The following PCDH15 variants were observed in gnomAD, a reference collection of about 807,000 sequenced individuals.
The protein encoded by PCDH15 is protocadherin-15.
PCDH15 carries 129 observed loss-of-function variants against 178.5 expected under a neutral mutation model. The ratio of observed to expected loss-of-function variants is 0.72; its 90% CI spans 0.63 to 0.84. The LOEUF is 0.84. Ranked by LOEUF, PCDH15 falls within the 40% of genes least tolerant of loss-of-function variation. PCDH15 has a pLI of 0.00. For missense variants in PCDH15, 2,230 were observed against 2,099.9 expected (o/e 1.06, Z -1.21); for synonymous variants, 800 against 732.0 (o/e 1.09, Z -1.50).
At chr10:54,981,800 A>G (rs1407435799) in intron 2 of PCDH15, among the ~76,000 whole-genome samples, 1 of 151,846 alleles carries the variant, frequency 6.6e-6, no homozygotes, top group Non-Finnish European at 1.5e-5. Flanking sequence ...TTTTGAGACA[A>G]GGTCTCATTC....
intron 2 of PCDH15, among the ~76,000 whole-genome samples, chr10:55,421,507 T>C (rs926973315): frequency 1.3e-5 from 2 of 149,984 alleles, no homozygotes; most frequent in African/African-American, 4.9e-5. Context: ...TCATTTCATA[T>C]AGCATACTAG....
chr10:55,251,954 T>C (rs1252469282), intron 1 of PCDH15, among the ~76,000 whole-genome samples: 1 of 151,754 alleles, frequency 6.6e-6, no homozygotes, highest in African/African-American at 2.4e-5. Flanking sequence ...ACAACAAAAA[T>C]TGGCTACTGG....
At chr10:55,551,873 T>C (rs1842009779) in intron 2 of PCDH15, among the ~76,000 whole-genome samples, 1 of 151,812 alleles carries the variant, frequency 6.6e-6, no homozygotes, top group East Asian at 1.9e-4. Context: ...CCTTTTAATT[T>C]GAAAATTCTT....
intron 2 of PCDH15, among the ~76,000 whole-genome samples, chr10:55,032,633 A>G (rs995916577): frequency 6.6e-6 from 1 of 152,230 alleles, no homozygotes; most frequent in African/African-American, 2.4e-5. Flanking sequence ...ATAAACAATG[A>G]AAATAAAAAT....
At chr10:55,583,929 T>C (rs1045214087) in intron 2 of PCDH15, among the ~76,000 whole-genome samples, 4 of 151,976 alleles carry the variant, frequency 2.6e-5, no homozygotes, top group African/African-American at 9.7e-5. Flanking sequence ...CCAGGCTGGA[T>C]TGCAGTGGCG....
intron 26 of PCDH15, among the ~76,000 whole-genome samples, chr10:53,874,383 A>G (rs527262327): frequency 6.6e-6 from 1 of 152,324 alleles, no homozygotes; most frequent in South Asian, 2.1e-4. Context: ...GGGAGTGAAG[A>G]GAAAACTTCT....
chr10:55,257,354 C>T (rs12251002), intron 1 of PCDH15, among the ~76,000 whole-genome samples: 236 of 152,206 alleles, frequency 1.6e-3, no homozygotes, highest in African/African-American at 5.3e-3. Context: ...TCACCAGCAA[C>T]GGAACAAAGC....
chr10:54,284,825 A>C (rs375273773), intron 8 of PCDH15, among the ~76,000 whole-genome samples: 4 of 152,278 alleles, frequency 2.6e-5, no homozygotes, highest in South Asian at 4.1e-4. Flanking sequence ...GAGAGAGTAA[A>C]AAATTAATCA....
chr10:54,861,887 A>G (rs1449002145), intron 3 of PCDH15, among the ~76,000 whole-genome samples: 1 of 152,326 alleles, frequency 6.6e-6, no homozygotes, highest in African/African-American at 2.4e-5. Flanking sequence ...TCAGGAAATG[A>G]CATTTTAGTG....
chr10:55,225,747 A>C (rs1263509251), intron 1 of PCDH15, among the ~76,000 whole-genome samples: 1 of 151,996 alleles, frequency 6.6e-6, no homozygotes, highest in Non-Finnish European at 1.5e-5. Context: ...AGAAGTAGTT[A>C]GATCCCCAAA....
At chr10:54,826,243 A>C (rs944587670) in intron 3 of PCDH15, among the ~76,000 whole-genome samples, 3 of 152,062 alleles carry the variant, frequency 2.0e-5, no homozygotes, top group African/African-American at 7.2e-5. Context: ...TTGAAAAAAA[A>C]TCCAATCAGT....
At chr10:54,151,663 C>CA (rs1030890533) in intron 14 of PCDH15, among the ~76,000 whole-genome samples, 20 of 151,978 alleles carry the variant, frequency 1.3e-4, no homozygotes, top group South Asian at 4.2e-4. Context: ...CTAAAAAACA[C>CA]AAAAAAATGC....
At chr10:55,218,451 T>A (rs1840771417) in intron 1 of PCDH15, among the ~76,000 whole-genome samples, 1 of 151,976 alleles carries the variant, frequency 6.6e-6, no homozygotes, top group Non-Finnish European at 1.5e-5. Context: ...ACATTATTAT[T>A]TTTTGCCATT....
intron 1 of PCDH15, among the ~76,000 whole-genome samples, chr10:55,303,672 C>A (rs1588895158): frequency 6.6e-6 from 1 of 151,990 alleles, no homozygotes; most frequent in African/African-American, 2.4e-5. Flanking sequence ...TGTATTTCAT[C>A]TAAGTTGTCT....
chr10:55,024,705 C>T (rs190552446), intron 2 of PCDH15, among the ~76,000 whole-genome samples: 4 of 152,128 alleles, frequency 2.6e-5, no homozygotes, highest in Admixed American at 6.5e-5. Flanking sequence ...TCCTTACTTC[C>T]TTATATTCTT....
intron 8 of PCDH15, among the ~76,000 whole-genome samples, chr10:54,241,014 C>T (rs985645136): frequency 2.6e-5 from 4 of 152,132 alleles, no homozygotes; most frequent in Non-Finnish European, 5.9e-5. Flanking sequence ...ATAATGTAAT[C>T]ATTTACAGGA....
intron 23 of PCDH15, among the ~76,000 whole-genome samples, chr10:53,945,892 T>C (rs1485238838): frequency 6.9e-6 from 1 of 144,722 alleles, no homozygotes; most frequent in African/African-American, 2.5e-5. Context: ...TCACATTTTC[T>C]TTATCCATTC....
chr10:54,803,319 CTAT>C (rs962168562), upstream of PCDH15, among the ~76,000 whole-genome samples: 4 of 152,144 alleles, frequency 2.6e-5, no homozygotes, highest in Admixed American at 1.3e-4. Context: ...AACAAAATAC[CTAT>C]TTTTTGACAG....
rs187489143 is a variant in PCDH15, at chr10:54,320,257, T to A, written c.706-2816A>T. On this transcript the variant is annotated intron_variant, in intron 7 of 37. Transcript: ENST00000644397. ...ATGAAGAAAAAACAAGGAAATCTAT[T>A]CTTACCTACATAAACATGATCACAA... Among the ~76,000 whole-genome samples, 239 of 152,194 alleles carry A rather than the reference T, an allele frequency of 1.6e-3. 1 individual carries two copies. The highest frequency in any genetic ancestry group is 3.5e-3 in the African/African-American group (144 of 41,556).
Sources: gnomAD v4.1 joint callset for allele counts (sites outside exome capture counted in the v4.1 genomes callset) on GRCh38, gnomAD v4.1.1 for gene constraint, MANE v1.5 for transcripts, NCBI Gene and HGNC (gene_info 2026-07-23, HGNC 2026-07-21) for gene names.